The following TNPO1 variants were observed in gnomAD, a reference collection of about 807,000 sequenced individuals.
The protein encoded by TNPO1 is transportin-1.
A neutral mutation model predicts 119.5 loss-of-function variants in TNPO1; 8 were observed. That is an observed-to-expected ratio of 0.07 (90% CI 0.04 to 0.12). The LOEUF is 0.12. Ranked by LOEUF, TNPO1 falls within the 10% of genes least tolerant of loss-of-function variation. TNPO1 has a pLI of 1.00. For missense variants in TNPO1, 576 were observed against 1,089.8 expected, an observed-to-expected ratio of 0.53 and a Z score of 6.64; for synonymous variants, 362 against 363.0, an observed-to-expected ratio of 1.00 and a Z score of 0.03.
In TNPO1 at chr5:72,891,802, G is replaced by A; in HGVS notation, c.1702-8G>A. On this transcript the variant is annotated splice_region_variant and splice_polypyrimidine_tract_variant and intron_variant, in intron 14 of 24. Coordinates refer to ENST00000337273, the MANE Select transcript of TNPO1 (RefSeq NM_002270.4). The stretch of plus-strand genomic sequence containing the variant: ...GGAATTTTATATGTTTTTCATCATT[G>A]TAAATAGGAATATATTCAGATGCTA... 6.3e-7 allele frequency: 1 copy of A among 1,583,072 alleles called. No homozygotes were observed. Among genetic ancestry groups the A allele is most frequent in the Non-Finnish European group, 8.6e-7 (1 of 1,159,782 alleles).
intron 23 of TNPO1, among the ~76,000 whole-genome samples, chr5:72,904,077 A>G (rs1245029856): frequency 6.6e-6 from 1 of 152,218 alleles, no homozygotes; most frequent in African/African-American, 2.4e-5. Flanking sequence ...CAAGATGGAA[A>G]TGGAGACTTG....
intron 6 of TNPO1, among the ~76,000 whole-genome samples, chr5:72,866,533 C>G (rs1401677749): frequency 6.6e-6 from 1 of 152,054 alleles, no homozygotes; most frequent in Admixed American, 6.6e-5. Context: ...GTGGGTGGAT[C>G]GCTTGAGCTC....
In TNPO1 at chr5:72,882,477, G is replaced by C. The variant is rs1253915457; in HGVS notation, c.931G>C (p.Val311Leu). 1.2e-6 allele frequency: 2 copies of C among 1,608,674 alleles called. No individual in the cohort carries two copies. The highest frequency in any genetic ancestry group is 2.7e-5 in the African/African-American group (2 of 74,700). ...TTTCTTTCTTTATAGGTTGATTCCT[G>C]TGTTAGTGAATGGCATGAAGTACTC... is the stretch of plus-strand genomic sequence containing the variant. ...LVRHLPKLIP[V>L]LVNGMKYSDI... The change falls in exon 10 of 25, where the codon GTG (valine) becomes CTG (leucine). Residue 311 changes from valine (V) to leucine (L), a missense_variant. Around this residue, in one of 6 missense-constraint regions of TNPO1, gnomAD observed 310 missense variants for 583.0 expected, o/e 0.53. Coordinates refer to ENST00000337273, the MANE Select transcript of TNPO1 (RefSeq NM_002270.4).
chr5:72,829,145 A>G (rs1219281353), intron 1 of TNPO1, among the ~76,000 whole-genome samples: 2 of 152,220 alleles, frequency 1.3e-5, no homozygotes, highest in Non-Finnish European at 2.9e-5. Flanking sequence ...AACCTTTATT[A>G]GAAAATATTG....
At chr5:72,837,003 A>C (rs1744717312) in intron 1 of TNPO1, among the ~76,000 whole-genome samples, 1 of 152,194 alleles carries the variant, frequency 6.6e-6, no homozygotes, top group Non-Finnish European at 1.5e-5. Context: ...AAATCTCTTA[A>C]GAGGATTGAG....
chr5:72,848,514 C>G lies in TNPO1; in HGVS notation c.129+16C>G. On this transcript the variant is annotated intron_variant, in intron 2 of 24. Coordinates refer to ENST00000337273, the MANE Select transcript of TNPO1 (RefSeq NM_002270.4). Reference sequence around the variant, plus strand: ...CGTGCAACAAGTATCCTTTCCGAGGCCTGGCCGCCACCCGCGCAGCTCGCC... The same window carrying G: ...CGTGCAACAAGTATCCTTTCCGAGGGCTGGCCGCCACCCGCGCAGCTCGCC... 1 of 1,506,136 alleles carries G rather than the reference C, an allele frequency of 6.6e-7. No homozygotes were observed. The highest frequency in any genetic ancestry group is 8.9e-7 in the Non-Finnish European group (1 of 1,118,604). 93.3% of individuals were successfully genotyped at this position (1,506,136 alleles called of 1,614,324 possible). A position where few individuals can be genotyped will look rare whatever the true frequency, so the allele number is the denominator to read the frequency against.
intron 1 of TNPO1, among the ~76,000 whole-genome samples, chr5:72,840,700 T>C (rs933983634): frequency 6.6e-6 from 1 of 152,234 alleles, no homozygotes; most frequent in African/African-American, 2.4e-5. Context: ...CACTCTTTTT[T>C]TTAATGTTGA....
chr5:72,913,375 T>C lies in TNPO1; in HGVS notation c.*4702T>C, dbSNP rs969843154. 2.0e-5 allele frequency: 3 copies of C among 152,384 alleles called. No individual in the cohort carries two copies. The highest frequency in any genetic ancestry group is 7.2e-5 in the African/African-American group (3 of 41,456). 9.4% of individuals were successfully genotyped at this position (152,384 alleles called of 1,614,324 possible). On this transcript the variant is annotated 3_prime_UTR_variant, in exon 25 of 25. Transcript: ENST00000337273. ...TATGCCTAGTTATTATACATATTAA[T>C]TTTTAAGGTATACATTTAAATTACA...
At position 72,884,793 on chromosome 5, in the gene TNPO1, A is replaced by G. The variant is rs138679743; in HGVS notation, c.1150+1561A>G. On this transcript the variant is annotated intron_variant, in intron 11 of 24. Transcript: ENST00000337273. The stretch of plus-strand genomic sequence containing the variant: ...ATGTGAATGCCACATCATGCATGTA[A>G]TTCTTTGTTGCGGAGGCTGTCCTGC... Among the ~76,000 whole-genome samples, 8 of 152,192 alleles carry G rather than the reference A, an allele frequency of 5.3e-5. No homozygotes were observed. The East Asian group carries it at 1.4e-3, about 26-fold the overall frequency.
chr5:72,846,626 C>T (rs1745141919), intron 1 of TNPO1, among the ~76,000 whole-genome samples: 2 of 152,130 alleles, frequency 1.3e-5, no homozygotes, highest in South Asian at 4.1e-4. Context: ...GGGGAGAAAT[C>T]TATAGTGATA....
At chr5:72,870,869 T>A (rs1036035690) in intron 6 of TNPO1, among the ~76,000 whole-genome samples, 1 of 152,232 alleles carries the variant, frequency 6.6e-6, no homozygotes, top group African/African-American at 2.4e-5. Context: ...TGTATTTTTT[T>A]TCCATTTGTT....
chr5:72,860,164 A>G (rs1327174148), intron 4 of TNPO1, among the ~76,000 whole-genome samples: 1 of 152,214 alleles, frequency 6.6e-6, no homozygotes, highest in African/African-American at 2.4e-5. Context: ...CTAAAGGTAG[A>G]AAATTTATAC....
rs1031941703 is a variant in TNPO1, at chr5:72,910,188, A to G, written c.*1515A>G. On this transcript the variant is annotated 3_prime_UTR_variant, in exon 25 of 25. Coordinates refer to ENST00000337273, the MANE Select transcript of TNPO1 (RefSeq NM_002270.4). ...ATGTTGGTGGCCCTCTGTGCCCTAG[A>G]TATATGCACACAGGGTGCAAGTTAA... The G allele has an allele frequency of 3.9e-5, 6 of 152,618 alleles. No homozygotes were observed. In the East Asian group the frequency reaches 7.7e-4, roughly 20 times the overall value. 9.5% of individuals were successfully genotyped at this position (152,618 alleles called of 1,614,324 possible).
At chr5:72,829,195 A>G (rs1040681510) in intron 1 of TNPO1, among the ~76,000 whole-genome samples, 4 of 152,248 alleles carry the variant, frequency 2.6e-5, no homozygotes, top group African/African-American at 9.6e-5. Flanking sequence ...AGAGTGAAAC[A>G]TTGGAACCAC....
chr5:72,913,932 T>C lies in TNPO1; in HGVS notation c.*5259T>C, dbSNP rs1329436611. On this transcript the variant is annotated 3_prime_UTR_variant, in exon 25 of 25. Coordinates refer to ENST00000337273, the MANE Select transcript of TNPO1 (RefSeq NM_002270.4). ...TTTAAACGTGGTAAATCACTTCATA[T>C]TACAAAACAGTTTTACACTTAATAT... 3 of 152,588 alleles carry C rather than the reference T, an allele frequency of 2.0e-5. No homozygotes were observed. Among genetic ancestry groups the C allele is most frequent in the Non-Finnish European group, 4.4e-5 (3 of 67,974 alleles). The allele number at this position is 152,588 out of a possible 1,614,324, so 9.5% of individuals were successfully genotyped here. A position where few individuals can be genotyped will look rare whatever the true frequency, so the allele number is the denominator to read the frequency against.
chr5:72,893,495 C>G lies in TNPO1; in HGVS notation c.2015C>G (p.Ala672Gly). Residue 672 changes from alanine to glycine, a missense_variant, in exon 17 of 25, where the codon GCC (alanine) becomes GGC (glycine). This residue lies in a region of TNPO1 where 162 missense variants were observed against 294.1 expected (regional missense o/e 0.55). Coordinates refer to ENST00000337273, the MANE Select transcript of TNPO1 (RefSeq NM_002270.4). ...GLGGNIEQLVARSNILTLMYQ... is the reference protein window; with the variant it reads ...GLGGNIEQLVGRSNILTLMYQ... The stretch of plus-strand genomic sequence containing the variant: ...GGAGGCAACATTGAACAGCTGGTAG[C>G]CCGAAGTAACATCCTGACACTAATG... The G allele has an allele frequency of 6.2e-7, 1 of 1,614,132 alleles. No homozygotes were observed. Among genetic ancestry groups the G allele is most frequent in the Non-Finnish European group, 8.5e-7 (1 of 1,180,030 alleles).
At chr5:72,867,865 A>G (rs1446496419) in intron 6 of TNPO1, among the ~76,000 whole-genome samples, 1 of 152,216 alleles carries the variant, frequency 6.6e-6, no homozygotes, top group Non-Finnish European at 1.5e-5. Flanking sequence ...CCATTGCATG[A>G]CAATTAGCAT....
At chr5:72,820,624 C>T (rs566116626) in intron 1 of TNPO1, among the ~76,000 whole-genome samples, 3 of 152,214 alleles carry the variant, frequency 2.0e-5, no homozygotes, top group African/African-American at 2.4e-5. Flanking sequence ...AGTACTTTGT[C>T]CAAGGGCTCA....
intron 1 of TNPO1, among the ~76,000 whole-genome samples, chr5:72,846,500 G>A (rs1470766982): frequency 6.6e-6 from 1 of 152,088 alleles, no homozygotes; most frequent in African/African-American, 2.4e-5. Context: ...CTGTTAAAAC[G>A]GGTTCTCTAG....
Sources: gnomAD v4.1 joint callset for allele counts (sites outside exome capture counted in the v4.1 genomes callset) on GRCh38, gnomAD v4.1.1 for gene constraint, gnomAD v4.1.1 regional missense constraint, MANE v1.5 for transcripts, NCBI Gene and HGNC (gene_info 2026-07-23, HGNC 2026-07-21) for gene names.